Variants in RORB observed in about 807,000 individuals in gnomAD.
RORB encodes the protein RAR related orphan receptor B.
A neutral mutation model predicts 59.1 loss-of-function variants in RORB; 6 were observed. The observed-to-expected ratio is 0.10, with a 90% CI of 0.06 to 0.20. The LOEUF (loss-of-function observed/expected upper bound fraction) is 0.20. Ranked by LOEUF, RORB falls within the 10% of genes least tolerant of loss-of-function variation. RORB has a pLI of 1.00. For synonymous variants in RORB, 215 were observed against 204.5 expected, an observed-to-expected ratio of 1.05 and a Z score of -0.44; for missense variants, 320 against 560.5, an observed-to-expected ratio of 0.57 and a Z score of 4.33.
At chr9:74,671,148 AAAAG>A (rs1192136358) in intron 8 of RORB, among the ~76,000 whole-genome samples, 6 of 151,592 alleles carry the variant, frequency 4.0e-5, no homozygotes, top group Non-Finnish European at 7.4e-5. Context: ...GGAAGGGAGA[AAAAG>A]AGAGAGGAAG....
chr9:74,538,065 T>G (rs1457542895), intron 1 of RORB, among the ~76,000 whole-genome samples: 1 of 152,104 alleles, frequency 6.6e-6, no homozygotes, highest in Non-Finnish European at 1.5e-5. Context: ...CTTTTCTATA[T>G]TTAGATATGT....
At chr9:74,568,261 AT>A (rs756265351) in intron 1 of RORB, among the ~76,000 whole-genome samples, 214 of 147,612 alleles carry the variant, frequency 1.4e-3, no homozygotes, top group Middle Eastern at 0.01. Context: ...CTATTTATGT[AT>A]TTTTTTTTTT....
chr9:74,568,598 G>A (rs985144768), intron 1 of RORB, among the ~76,000 whole-genome samples: 6 of 151,214 alleles, frequency 4.0e-5, no homozygotes, highest in Non-Finnish European at 5.9e-5. Context: ...TACTCGGGAG[G>A]CTGAGGCAGG....
chr9:74,689,485 T>C lies in RORB; in HGVS notation c.*3867T>C, dbSNP rs145572562. ...CAAACATACCCTTTCTGAATTTCCC[T>C]TGTTTTAGCACTGTGTTCAGGGCTC... is the stretch of plus-strand genomic sequence containing the variant. On this transcript the variant is annotated 3_prime_UTR_variant, in exon 10 of 10. Transcript: ENST00000376896. 1 of 152,380 alleles carries C rather than the reference T, an allele frequency of 6.6e-6. No individual in the cohort carries two copies. The highest frequency in any genetic ancestry group is 1.5e-5 in the Non-Finnish European group (1 of 68,058). 9.4% of individuals were successfully genotyped at this position (152,380 alleles called of 1,614,324 possible).
At chr9:74,501,801 A>G (rs1381715528) in intron 1 of RORB, among the ~76,000 whole-genome samples, 1 of 152,192 alleles carries the variant, frequency 6.6e-6, no homozygotes, top group Non-Finnish European at 1.5e-5. Context: ...CAAGGCTTTT[A>G]CTTTTCTATA....
At chr9:74,606,786 A>G (rs1823156365) in intron 1 of RORB, among the ~76,000 whole-genome samples, 1 of 152,222 alleles carries the variant, frequency 6.6e-6, no homozygotes, top group African/African-American at 2.4e-5. Context: ...TCTTATGTAA[A>G]TGAGTATATG....
chr9:74,668,784 AG>A (rs1347179321), intron 8 of RORB, among the ~76,000 whole-genome samples: 1 of 152,186 alleles, frequency 6.6e-6, no homozygotes, highest in African/African-American at 2.4e-5. Flanking sequence ...TCGCAGTCCC[AG>A]GGTGGCAGAA....
At chr9:74,567,215 C>T (rs1275439863) in intron 1 of RORB, among the ~76,000 whole-genome samples, 5 of 152,042 alleles carry the variant, frequency 3.3e-5, no homozygotes, top group South Asian at 4.1e-4. Context: ...TTAGTAGAGA[C>T]GAGGTTTCAC....
In RORB at chr9:74,630,826, G is replaced by GAAAA. The variant is rs200022746; in HGVS notation, c.93+465_93+468dup. On this transcript the variant is annotated intron_variant, in intron 2 of 9. Transcript: ENST00000376896. Reference sequence around the variant, plus strand: ...GCCATCCTTTATTCTCAAGTTACAGGAAAAAAAAAGAAAAGAAAAGAAAAG... The same window carrying GAAAA: ...GCCATCCTTTATTCTCAAGTTACAGGAAAAAAAAAAAAAGAAAAGAAAAGAAAAG... 5.1e-5 allele frequency among the ~76,000 whole-genome samples: 4 copies of GAAAA among 78,542 alleles called. No individual in the cohort carries two copies. In the Admixed American group the frequency reaches 5.5e-4, roughly 11 times the overall value. 51.5% of individuals were successfully genotyped at this position (78,542 alleles called of 152,430 possible).
At chr9:74,600,712 G>A (rs532107689) in intron 1 of RORB, among the ~76,000 whole-genome samples, 7 of 152,266 alleles carry the variant, frequency 4.6e-5, no homozygotes, top group African/African-American at 1.7e-4. Flanking sequence ...TTAATATATT[G>A]AAATTTTTTC....
chr9:74,498,009 C>A (rs770428608), intron 1 of RORB, 26 bp downstream of exon 1: 4 of 1,606,912 alleles, frequency 2.5e-6, no homozygotes, highest in South Asian at 1.1e-5. Flanking sequence ...GGCACCGAGG[C>A]TCCCCGAGTC....
intron 1 of RORB, among the ~76,000 whole-genome samples, chr9:74,545,446 T>A (rs1321373922): frequency 1.3e-5 from 2 of 152,224 alleles, no homozygotes; most frequent in Non-Finnish European, 2.9e-5. Flanking sequence ...TCTAACATTA[T>A]CATTGCTAAC....
At chr9:74,639,386 A>G (rs1357570001) in intron 3 of RORB, among the ~76,000 whole-genome samples, 1 of 152,214 alleles carries the variant, frequency 6.6e-6, no homozygotes, top group East Asian at 1.9e-4. Flanking sequence ...TGACATGGGG[A>G]AGGGCATGGA....
chr9:74,592,216 T>A (rs1044121692), intron 1 of RORB, among the ~76,000 whole-genome samples: 1 of 152,056 alleles, frequency 6.6e-6, no homozygotes, highest in African/African-American at 2.4e-5. Context: ...AAGACAAGAG[T>A]TTACTTTCTT....
chr9:74,521,494 G>A (rs1253761000), intron 1 of RORB, among the ~76,000 whole-genome samples: 1 of 151,770 alleles, frequency 6.6e-6, no homozygotes, highest in African/African-American at 2.4e-5. Context: ...ACACCCCAAA[G>A]TGAGCCTTTT....
Position 74,576,632 on chromosome 9 carries a change from A to G in RORB, c.8-53650A>G, listed in dbSNP as rs183303060. 3.2e-4 allele frequency among the ~76,000 whole-genome samples: 49 copies of G among 152,240 alleles called. No individual in the cohort carries two copies. In the East Asian group the frequency reaches 8.5e-3, roughly 26 times the overall value. ...TGGAAAAGTATCCATCAATCTGTAT[A>G]GCTTCATTTTAAAATGAAATTTTTA... On this transcript the variant is annotated intron_variant, in intron 1 of 9. Transcript: ENST00000376896.
At chr9:74,564,837 T>G (rs531035252) in intron 1 of RORB, among the ~76,000 whole-genome samples, 1 of 152,364 alleles carries the variant, frequency 6.6e-6, no homozygotes, top group African/African-American at 2.4e-5. Context: ...TTCTCAGTTC[T>G]GGTATTTTTT....
At chr9:74,555,275 C>T (rs1822270254) in intron 1 of RORB, among the ~76,000 whole-genome samples, 1 of 152,188 alleles carries the variant, frequency 6.6e-6, no homozygotes, top group Non-Finnish European at 1.5e-5. Flanking sequence ...GACTGTAAAT[C>T]TTCTTTTTCA....
At chr9:74,552,316 C>T (rs1043069698) in intron 1 of RORB, among the ~76,000 whole-genome samples, 2 of 152,050 alleles carry the variant, frequency 1.3e-5, no homozygotes, top group African/African-American at 4.8e-5. Context: ...ATCTTATCAT[C>T]TATAACATAA....
Sources: allele counts gnomAD v4.1 joint callset (sites outside exome capture counted in the v4.1 genomes callset), GRCh38; gene constraint gnomAD v4.1.1; transcripts MANE v1.5; gene names NCBI Gene and HGNC (gene_info 2026-07-23, HGNC 2026-07-21).